Variants in SWAP70 observed in about 807,000 individuals in gnomAD.
SWAP70 encodes the protein switching B cell complex subunit SWAP70, also known as switch-associated protein 70.
A neutral mutation model predicts 80.2 loss-of-function variants in SWAP70; 34 were observed. That is an observed-to-expected ratio of 0.42 (90% CI 0.32 to 0.56). The LOEUF is 0.56. Ranked by LOEUF, SWAP70 falls within the 20% of genes least tolerant of loss-of-function variation. The pLI, the probability that SWAP70 is intolerant of heterozygous loss-of-function variation, is 0.09. For synonymous variants in SWAP70, 239 were observed against 238.5 expected (o/e 1.00, Z -0.02); for missense variants, 578 against 690.7 (o/e 0.84, Z 1.83).
chr11:9,680,711 G>A (rs769072868), intron 1 of SWAP70, among the ~76,000 whole-genome samples: 12 of 152,126 alleles, frequency 7.9e-5, no homozygotes, highest in Non-Finnish European at 1.5e-4. Flanking sequence ...TAAAAATACC[G>A]ATTACATGTT....
rs1268512224 is a variant in SWAP70 at position 9,751,347 on chromosome 11, T to C, written c.*1377T>C. Reference sequence around the variant, plus strand: ...ATATGCATCTGATTTGAAAGGAGTATTGAGGAAGGTTTTCATATATGATCT... The same window carrying C: ...ATATGCATCTGATTTGAAAGGAGTACTGAGGAAGGTTTTCATATATGATCT... On this transcript the variant is annotated 3_prime_UTR_variant, in exon 12 of 12. Coordinates refer to ENST00000318950, the MANE Select transcript of SWAP70 (RefSeq NM_015055.4). 6.6e-6 allele frequency: 1 copy of C among 152,196 alleles called. No individual in the cohort carries two copies. Among genetic ancestry groups the C allele is most frequent in the Non-Finnish European group, 1.5e-5 (1 of 68,036 alleles). 9.4% of individuals were successfully genotyped at this position (152,196 alleles called of 1,614,324 possible).
intron 2 of SWAP70, among the ~76,000 whole-genome samples, chr11:9,707,888 T>TG (rs1850940343): frequency 2.0e-5 from 3 of 152,046 alleles, no homozygotes; most frequent in African/African-American, 7.2e-5. Context: ...AAAAAAAAAT[T>TG]TTTTTAAACT....
chr11:9,731,549 A>G (rs146628442), intron 6 of SWAP70, among the ~76,000 whole-genome samples: 79 of 152,356 alleles, frequency 5.2e-4, no homozygotes, highest in African/African-American at 1.8e-3. Flanking sequence ...GTTATGGTTT[A>G]GCTGCACAGT....
chr11:9,710,285 A>C (rs67867011), intron 2 of SWAP70, among the ~76,000 whole-genome samples: 32,740 of 152,180 alleles, frequency 0.22, 4,705 homozygotes, highest in Non-Finnish European at 0.31. Flanking sequence ...AGCATATAGT[A>C]AGTCTTCAAG....
intron 3 of SWAP70, 81 bp from the exon 4 acceptor site, chr11:9,724,577 A>C: frequency 9.7e-7 from 1 of 1,030,656 alleles, no homozygotes; most frequent in Non-Finnish European, 1.4e-6. Context: ...AGTTGAACTT[A>C]TCAGTGTTTA....
intron 10 of SWAP70, 117 bp downstream of exon 10, chr11:9,748,173 G>A: frequency 1.8e-6 from 2 of 1,103,222 alleles, no homozygotes; most frequent in Non-Finnish European, 2.5e-6. Context: ...TTGCTTAGCT[G>A]TAAGAAAGAA....
chr11:9,725,559 ATATATATATATT>A (rs1203326922), intron 4 of SWAP70, among the ~76,000 whole-genome samples: 10 of 11,826 alleles, frequency 8.5e-4, no homozygotes, highest in South Asian at 3.9e-3. Context: ...ATATATATAT[ATATATATATATT>A]TTTTTTTTTT....
At chr11:9,733,954 A>G (rs563403430) in intron 7 of SWAP70, among the ~76,000 whole-genome samples, 1 of 152,356 alleles carries the variant, frequency 6.6e-6, no homozygotes, top group East Asian at 1.9e-4. Flanking sequence ...ATTATTGCCA[A>G]TACAGGTTGA....
At chr11:9,673,236 G>A (rs1010434942) in intron 1 of SWAP70, among the ~76,000 whole-genome samples, 4 of 152,184 alleles carry the variant, frequency 2.6e-5, no homozygotes, top group African/African-American at 7.2e-5. Flanking sequence ...TGGGTTCTCC[G>A]TGACCCCGTC....
In SWAP70 at chr11:9,732,707, G is replaced by A. The variant is rs894773679; in HGVS notation, c.1077G>A (p.Arg359=). The A allele has an allele frequency of 1.2e-5, 18 of 1,546,602 alleles. No homozygotes were observed. The highest frequency in any genetic ancestry group is 1.6e-5 in the Non-Finnish European group (18 of 1,145,972). Residue 359 remains arginine, a synonymous_variant, in exon 7 of 12, where the codon CGG becomes CGA. Transcript: ENST00000318950. The stretch of plus-strand genomic sequence containing the variant: ...AGCAGCAGGAGCTGGAGGCCGTGCG[G>A]AAGGTGGGAATGGGCGCTGGGCTGG... The part of the protein sequence containing the change: ...ESKQQELEAV[R]KKLEEAASRA...
intron 2 of SWAP70, chr11:9,703,466 C>T: frequency 2.2e-6 from 1 of 456,280 alleles, no homozygotes; most frequent in South Asian, 1.5e-5. Flanking sequence ...CAACTCCGCC[C>T]ATCAAATGCA....
chr11:9,747,414 T>A (rs572569394), intron 9 of SWAP70, among the ~76,000 whole-genome samples: 2 of 152,364 alleles, frequency 1.3e-5, no homozygotes, highest in Admixed American at 6.5e-5. Context: ...GATGAAAATG[T>A]TTTCATGTTG....
chr11:9,701,562 C>T (rs908131517), intron 2 of SWAP70, among the ~76,000 whole-genome samples: 1 of 150,998 alleles, frequency 6.6e-6, no homozygotes, highest in Admixed American at 6.6e-5. Context: ...GCAGGAGGAT[C>T]ACCTGAGCCC....
chr11:9,668,917 A>T (rs1161533568), intron 1 of SWAP70, among the ~76,000 whole-genome samples: 1 of 152,202 alleles, frequency 6.6e-6, no homozygotes, highest in Non-Finnish European at 1.5e-5. Flanking sequence ...TTTGCCTTCA[A>T]AGAGTTTAAA....
intron 1 of SWAP70, 99 bp downstream of exon 1, chr11:9,664,377 CG>C: frequency 7.4e-7 from 1 of 1,356,180 alleles, no homozygotes; most frequent in Non-Finnish European, 1.0e-6. Flanking sequence ...GACCGCAGGG[CG>C]GGGCGGGTCG....
chr11:9,724,930 A>G, intron 4 of SWAP70, 45 bp downstream of exon 4: 2 of 1,279,106 alleles, frequency 1.6e-6, no homozygotes, highest in Non-Finnish European at 2.2e-6. Context: ...TTAGAATTTG[A>G]CATTTTAAAA....
intron 4 of SWAP70, 111 bp downstream of exon 4, chr11:9,724,996 C>T (rs758650835): frequency 7.3e-6 from 6 of 825,712 alleles, no homozygotes; most frequent in South Asian, 1.8e-5. Flanking sequence ...ACACTGATTT[C>T]GTTTTTTTAT....
At chr11:9,726,366 T>A (rs1197616500) in intron 4 of SWAP70, among the ~76,000 whole-genome samples, 2 of 152,218 alleles carry the variant, frequency 1.3e-5, no homozygotes, top group Admixed American at 1.3e-4. Context: ...TTTGATCCTT[T>A]CTTTCTTCCA....
At chr11:9,727,183 G>A (rs1020887581) in intron 4 of SWAP70, among the ~76,000 whole-genome samples, 1 of 136,114 alleles carries the variant, frequency 7.3e-6, no homozygotes, top group African/African-American at 2.7e-5. Context: ...GAGGTCAGGA[G>A]CTTGAGACCA....
Sources: allele counts gnomAD v4.1 joint callset (sites outside exome capture counted in the v4.1 genomes callset), GRCh38; gene constraint gnomAD v4.1.1; transcripts MANE v1.5; gene names NCBI Gene and HGNC (gene_info 2026-07-23, HGNC 2026-07-21).